Variants in RFC2 observed in about 807,000 individuals in gnomAD.
The protein encoded by RFC2 is A1 40 kDa subunit.
A neutral mutation model predicts 44.8 loss-of-function variants in RFC2; 34 were observed. The observed-to-expected ratio is 0.76, with a 90% CI of 0.58 to 1.01. The LOEUF (loss-of-function observed/expected upper bound fraction) is 1.01. RFC2 is among the 50% of genes least tolerant of loss of function. The pLI is 0.00. For synonymous variants in RFC2, 177 were observed against 168.9 expected, an observed-to-expected ratio of 1.05 and a Z score of -0.37; for missense variants, 400 against 453.6, an observed-to-expected ratio of 0.88 and a Z score of 1.07.
chr7:74,243,696 G>C (rs1193188407), intron 5 of RFC2, among the ~76,000 whole-genome samples: 1 of 150,164 alleles, frequency 6.7e-6, no homozygotes, highest in East Asian at 2.0e-4. Context: ...GAACTCCTGG[G>C]CTCAAGCAAT....
chr7:74,249,185 G>A, intron 3 of RFC2, 67 bp from the exon 4 acceptor site: 4 of 1,607,832 alleles, frequency 2.5e-6, no homozygotes, highest in Non-Finnish European at 3.4e-6. Flanking sequence ...CTTGAGTTAT[G>A]TTCACTGCTG....
intron 5 of RFC2, among the ~76,000 whole-genome samples, chr7:74,244,216 C>G (rs1554719667): frequency 6.6e-6 from 1 of 151,258 alleles, no homozygotes. Flanking sequence ...TGCAGTGAGC[C>G]AAGATCATGC....
chr7:74,237,251 A>C, intron 9 of RFC2, 111 bp downstream of exon 9: 1 of 674,270 alleles, frequency 1.5e-6, no homozygotes. Context: ...GTAAGATTTC[A>C]AGAATGAATG....
chr7:74,235,491 C>T lies in RFC2; in HGVS notation c.954+41G>A, dbSNP rs782534398. On this transcript the variant is annotated intron_variant, in intron 10 of 10. Transcript: ENST00000055077. ...CCCACAGCACCCGGCCACTATGGGC[C>T]ACATTCTTGAGGACAGAGGCATTTC... is the stretch of plus-strand genomic sequence containing the variant. 14 of 1,300,220 alleles carry T rather than the reference C, an allele frequency of 1.1e-5. No individual in the cohort carries two copies. The South Asian group carries it at 1.3e-4, about 12-fold the overall frequency. 80.5% of individuals were successfully genotyped at this position (1,300,220 alleles called of 1,614,324 possible). A position where few individuals can be genotyped will look rare whatever the true frequency, so the allele number is the denominator to read the frequency against.
chr7:74,240,193 G>A, intron 6 of RFC2, 98 bp from the exon 7 acceptor site: 1 of 1,106,512 alleles, frequency 9.0e-7, no homozygotes, highest in Non-Finnish European at 1.3e-6. Context: ...AATCCACACA[G>A]CCCCAGGCAC....
intron 9 of RFC2, 68 bp downstream of exon 9, chr7:74,237,294 G>C (rs1273876040): frequency 9.6e-7 from 1 of 1,042,388 alleles, no homozygotes; most frequent in East Asian, 2.5e-5. Context: ...GGTACCAGAA[G>C]GGCTCCCGCT....
chr7:74,248,353 G>C (rs898490716), intron 4 of RFC2, among the ~76,000 whole-genome samples: 1 of 151,680 alleles, frequency 6.6e-6, no homozygotes, highest in Non-Finnish European at 1.5e-5. Flanking sequence ...AGAAAAAGCT[G>C]GCATGGTGGC....
Position 74,252,429 on chromosome 7 carries a change from C to A in RFC2, c.183G>T (p.Glu61Asp). ...CTCAAAAAAAAAAAAAGCCACTCAC[C>A]TCTAGCCTGCTCACGGTGTCTTCAT... ...VGNEDTVSRL[E>D]VFAREGNVPN... Residue 61 changes from glutamate to aspartate, a missense_variant and splice_region_variant, in exon 2 of 11, where the codon GAG becomes GAT. Physicochemically the swap from Glu to Asp is conservative, Grantham distance 45 (BLOSUM62 2). Transcript: ENST00000055077. The A allele has an allele frequency of 6.3e-7, 1 of 1,587,988 alleles. No homozygotes were observed. The highest frequency in any genetic ancestry group is 8.6e-7 in the Non-Finnish European group (1 of 1,157,528).
At chr7:74,246,862 C>A in intron 4 of RFC2, 99 bp from the exon 5 acceptor site, 1 of 620,116 alleles carries the variant, frequency 1.6e-6, no homozygotes, top group Admixed American at 3.2e-5. Context: ...CTGTGAGGCC[C>A]AATTTCCATT....
At position 74,249,089 on chromosome 7, in the gene RFC2, G is replaced by C. The variant is rs1288856398; in HGVS notation, c.255C>G (p.Ser85Arg). ...GCAGGGCCCGGGCCAAGCACAGAAT[G>C]CTTGTGGTCTTGCCGGTTCCTGGAG... ...AGPPGTGKTTSILCLARALLG... is the reference protein window; with the variant it reads ...AGPPGTGKTTRILCLARALLG... Residue 85 changes from serine to arginine, a missense_variant, in exon 4 of 11, where the codon AGC becomes AGG. By Grantham distance (110) the Ser-to-Arg change is moderately radical. Transcript: ENST00000055077. The C allele has an allele frequency of 1.2e-6, 2 of 1,613,974 alleles. No homozygotes were observed. Among genetic ancestry groups the C allele is most frequent in the East Asian group, 4.5e-5 (2 of 44,894 alleles).
chr7:74,232,059 G>A lies in RFC2; in HGVS notation c.*47C>T. On this transcript the variant is annotated 3_prime_UTR_variant, in exon 11 of 11. Coordinates refer to ENST00000055077, the MANE Select transcript of RFC2 (RefSeq NM_181471.3). ...CCCCCATCAGAAAGCCGCGGCTCCT[G>A]TACCTCAGAATAGGGCACCTGTAAG... 8.7e-7 allele frequency: 1 copy of A among 1,150,106 alleles called. No homozygotes were observed. Among genetic ancestry groups the A allele is most frequent in the Non-Finnish European group, 1.3e-6 (1 of 764,276 alleles). 71.2% of individuals were successfully genotyped at this position (1,150,106 alleles called of 1,614,324 possible). A position where few individuals can be genotyped will look rare whatever the true frequency, so the allele number is the denominator to read the frequency against.
Position 74,240,034 on chromosome 7 carries a change from G to A in RFC2, c.597C>T (p.Leu199=). Residue 199 remains leucine, a synonymous_variant, in exon 7 of 11, where the codon CTC becomes CTT. Coordinates refer to ENST00000055077, the MANE Select transcript of RFC2 (RefSeq NM_181471.3). The part of the protein sequence containing the change: ...RYTKLTDAQI[L]TRLMNVIEKE... The stretch of plus-strand genomic sequence containing the variant: ...TCTCGATAACATTCATCAGCCTGGT[G>A]AGGATCTGGGCGTCGGTCAGCTTTG... 3 of 1,614,090 alleles carry A rather than the reference G, an allele frequency of 1.9e-6. No homozygotes were observed. The highest frequency in any genetic ancestry group is 2.5e-6 in the Non-Finnish European group (3 of 1,179,976).
At chr7:74,244,077 G>A (rs1289986952) in intron 5 of RFC2, among the ~76,000 whole-genome samples, 2 of 131,132 alleles carry the variant, frequency 1.5e-5, no homozygotes, top group East Asian at 2.2e-4. Flanking sequence ...ACAGCAAAAC[G>A]TCAACTCTAC....
Position 74,235,641 on chromosome 7 carries a change from A to T in RFC2, c.845T>A (p.Leu282His). ...GTAGCCCAGATGCCACAAGTGAGCA[A>T]GAATCTAGACAAAGGAGACAGAAAA... ...NANIDEAYKILAHLWHLGYSP... is the reference protein window; with the variant it reads ...NANIDEAYKIHAHLWHLGYSP... The change falls in exon 10 of 11, where the codon CTT becomes CAT. Residue 282 changes from leucine to histidine, a missense_variant. Leu to His is a moderately conservative substitution (Grantham distance 99). Transcript: ENST00000055077. 6.2e-7 allele frequency: 1 copy of T among 1,602,802 alleles called. No homozygotes were observed. The highest frequency in any genetic ancestry group is 8.5e-7 in the Non-Finnish European group (1 of 1,169,662).
Position 74,235,330 on chromosome 7 carries a change from C to T in RFC2, c.954+202G>A, listed in dbSNP as rs3135700. Among the ~76,000 whole-genome samples, 286 of 152,156 alleles carry T rather than the reference C, an allele frequency of 1.9e-3. 1 individual carries two copies. The highest frequency in any genetic ancestry group is 6.4e-3 in the African/African-American group (267 of 41,510). On this transcript the variant is annotated intron_variant, in intron 10 of 10. Transcript: ENST00000055077. ...GGGATTACAGGCATGAGCCACCACG[C>T]CCAGCCATGCCCAGCTAATTTTTGT...
intron 5 of RFC2, among the ~76,000 whole-genome samples, chr7:74,243,726 G>T (rs1212303728): frequency 6.7e-6 from 1 of 150,306 alleles, no homozygotes; most frequent in Non-Finnish European, 1.5e-5. Flanking sequence ...TCAAAAGGCT[G>T]ATGCGGGAGG....
chr7:74,234,342 T>C (rs1284641850), intron 10 of RFC2, among the ~76,000 whole-genome samples: 1 of 152,138 alleles, frequency 6.6e-6, no homozygotes, highest in Non-Finnish European at 1.5e-5. Flanking sequence ...CATGAGTTGT[T>C]CTGGGATGAC....
At chr7:74,243,319 C>G in intron 5 of RFC2, 73 bp from the exon 6 acceptor site, 1 of 1,019,052 alleles carries the variant, frequency 9.8e-7, no homozygotes. Flanking sequence ...TATACAAAAA[C>G]CCAGGACATA....
intron 1 of RFC2, 29 bp downstream of exon 1, chr7:74,254,242 C>G (rs1554721546): frequency 2.0e-6 from 3 of 1,533,562 alleles, no homozygotes; most frequent in Non-Finnish European, 2.7e-6. Flanking sequence ...CGTCCAAACG[C>G]GCCCATTCTT....
Sources: gnomAD v4.1 joint callset for allele counts (sites outside exome capture counted in the v4.1 genomes callset) on GRCh38, gnomAD v4.1.1 for gene constraint, MANE v1.5 for transcripts, NCBI Gene and HGNC (gene_info 2026-07-23, HGNC 2026-07-21) for gene names.